Variants in SV2C observed in about 807,000 individuals in gnomAD.
SV2C encodes the protein synaptic vesicle glycoprotein 2C.
A neutral mutation model predicts 79.7 loss-of-function variants in SV2C; 49 were observed. The observed-to-expected ratio is 0.61, with a 90% CI of 0.49 to 0.78. The LOEUF is 0.78. Among genes scored for constraint, SV2C ranks in the 30% least tolerant of loss-of-function variants. The pLI is 0.00. For missense variants in SV2C, 833 were observed against 912.9 expected (o/e 0.91, Z 1.13); for synonymous variants, 334 against 333.2 (o/e 1.00, Z -0.03).
At chr5:76,150,206 T>C (rs113831632) in intron 2 of SV2C, among the ~76,000 whole-genome samples, 6 of 68,886 alleles carry the variant, frequency 8.7e-5, no homozygotes, top group South Asian at 4.8e-4. Context: ...ATCTTTTTTT[T>C]TTTTTTTTGA....
chr5:75,940,730 A>G, the SV2C span, among the ~76,000 whole-genome samples: 1 of 152,234 alleles, frequency 6.6e-6, no homozygotes, highest in Non-Finnish European at 1.5e-5. Context: ...AGTAGTTACA[A>G]CACTGTTTCA....
chr5:76,130,145 TA>T (rs375351450), intron 1 of SV2C, among the ~76,000 whole-genome samples: 6 of 67,822 alleles, frequency 8.8e-5, no homozygotes, highest in African/African-American at 5.2e-4. Context: ...TCTCAGTTCT[TA>T]AAAAAAAAAA....
the SV2C span, among the ~76,000 whole-genome samples, chr5:75,898,053 C>A: frequency 2.0e-5 from 3 of 151,866 alleles, no homozygotes; most frequent in East Asian, 5.8e-4. Context: ...AATTGAATAC[C>A]CTTTATTTCC....
At chr5:75,853,283 G>A in the SV2C span, among the ~76,000 whole-genome samples, 6 of 152,166 alleles carry the variant, frequency 3.9e-5, no homozygotes, top group South Asian at 6.2e-4. Flanking sequence ...TTGGCCGGGC[G>A]CGGTGGCTCA....
intron 4 of SV2C, among the ~76,000 whole-genome samples, chr5:76,215,310 G>A (rs1485340171): frequency 6.6e-6 from 1 of 152,056 alleles, no homozygotes; most frequent in Non-Finnish European, 1.5e-5. Flanking sequence ...GTATGTATTG[G>A]GTGGGAGTGG....
At chr5:75,898,025 T>C in the SV2C span, among the ~76,000 whole-genome samples, 1 of 151,924 alleles carries the variant, frequency 6.6e-6, no homozygotes, top group Non-Finnish European at 1.5e-5. Context: ...CAGGGACAAT[T>C]TGACTTCCTC....
At chr5:75,894,818 G>A in the SV2C span, among the ~76,000 whole-genome samples, 2 of 152,072 alleles carry the variant, frequency 1.3e-5, no homozygotes, top group Non-Finnish European at 2.9e-5. Context: ...AGAAGGCCAT[G>A]CTCATGTGTA....
chr5:75,951,579 A>G, the SV2C span, among the ~76,000 whole-genome samples: 1 of 152,044 alleles, frequency 6.6e-6, no homozygotes, highest in Non-Finnish European at 1.5e-5. Context: ...CCAAGCCAGA[A>G]GGTAATAAAA....
At chr5:76,101,058 G>A (rs1747725862) in intron 1 of SV2C, among the ~76,000 whole-genome samples, 1 of 151,544 alleles carries the variant, frequency 6.6e-6, no homozygotes, top group Non-Finnish European at 1.5e-5. Flanking sequence ...GTTTTATCAG[G>A]CCAAAAGAGG....
intron 2 of SV2C, among the ~76,000 whole-genome samples, chr5:76,171,679 C>T (rs1743265984): frequency 7.0e-6 from 1 of 143,648 alleles, no homozygotes; most frequent in Non-Finnish European, 1.6e-5. Context: ...AGCCCCCCCG[C>T]CCGGCCAGCC....
At chr5:75,911,811 C>A in the SV2C span, 2 of 576,044 alleles carry the variant, frequency 3.5e-6, no homozygotes. Flanking sequence ...CAGACAAGAG[C>A]AACCTCACAG....
intron 3 of SV2C, 93 bp downstream of exon 3, chr5:76,195,192 A>G: frequency 7.7e-7 from 1 of 1,291,042 alleles, no homozygotes; most frequent in Non-Finnish European, 1.1e-6. Flanking sequence ...TTATCCCTTC[A>G]CACATCTCCT....
intron 1 of SV2C, among the ~76,000 whole-genome samples, chr5:76,122,675 C>A (rs938780158): frequency 6.6e-6 from 1 of 151,560 alleles, no homozygotes; most frequent in African/African-American, 2.4e-5. Context: ...TTGAAACCAA[C>A]GAGAACAAAG....
At chr5:75,970,610 C>T in the SV2C span, among the ~76,000 whole-genome samples, 1 of 152,082 alleles carries the variant, frequency 6.6e-6, no homozygotes, top group African/African-American at 2.4e-5. Context: ...TACACTCTCC[C>T]AAGACTAAAC....
chr5:75,888,436 C>T, the SV2C span, among the ~76,000 whole-genome samples: 1 of 151,920 alleles, frequency 6.6e-6, no homozygotes, highest in African/African-American at 2.4e-5. Flanking sequence ...CACGTCACTC[C>T]CTTCATCACT....
chr5:76,157,843 A>G (rs1257646809), intron 2 of SV2C, among the ~76,000 whole-genome samples: 3 of 151,874 alleles, frequency 2.0e-5, no homozygotes, highest in African/African-American at 7.2e-5. Flanking sequence ...AATTAATAAG[A>G]ATGTACTATT....
At chr5:75,981,556 A>G in the SV2C span, among the ~76,000 whole-genome samples, 1 of 152,162 alleles carries the variant, frequency 6.6e-6, no homozygotes, top group Non-Finnish European at 1.5e-5. Flanking sequence ...ACCCGGAAAT[A>G]AGACCACACG....
intron 1 of SV2C, among the ~76,000 whole-genome samples, chr5:76,089,391 G>C (rs867534933): frequency 1.3e-5 from 2 of 152,160 alleles, no homozygotes; most frequent in Admixed American, 1.3e-4. Flanking sequence ...GTATTCCATG[G>C]TGTATATGTA....
At chr5:76,093,357 C>T (rs1018542220) in intron 1 of SV2C, among the ~76,000 whole-genome samples, 6 of 152,132 alleles carry the variant, frequency 3.9e-5, no homozygotes, top group East Asian at 1.9e-4. Context: ...AGTGGACATG[C>T]GAGTGGTGTG....
Sources: gnomAD v4.1 joint callset for allele counts (sites outside exome capture counted in the v4.1 genomes callset) on GRCh38, gnomAD v4.1.1 for gene constraint, MANE v1.5 for transcripts, NCBI Gene and HGNC (gene_info 2026-07-23, HGNC 2026-07-21) for gene names.